Variants in SNX13 observed in about 807,000 individuals in gnomAD.
The protein encoded by SNX13 is sorting nexin-13.
A neutral mutation model predicts 133.6 loss-of-function variants in SNX13; 45 were observed. That is an observed-to-expected ratio of 0.34 (90% CI 0.27 to 0.43). The LOEUF (loss-of-function observed/expected upper bound fraction) is 0.43. Ranked by LOEUF, SNX13 falls within the 20% of genes least tolerant of loss-of-function variation. The pLI is 1.00. For synonymous variants in SNX13, 414 were observed against 373.9 expected (o/e 1.11, Z -1.24); for missense variants, 1,032 against 1,145.1 (o/e 0.90, Z 1.43).
At chr7:17,880,929 T>C (rs1583601524) in intron 5 of SNX13, 1 of 152,112 alleles carries the variant, frequency 6.6e-6, no homozygotes, top group African/African-American at 2.4e-5. Context: ...GGGATGAGCA[T>C]GATAAATATA....
chr7:17,800,009 A>AC (rs1413960753), intron 22 of SNX13, among the ~76,000 whole-genome samples: 4 of 151,758 alleles, frequency 2.6e-5, no homozygotes, highest in African/African-American at 9.7e-5. Context: ...TCCTTAGTGC[A>AC]CCTTCCATTT....
intron 5 of SNX13, 63 bp from the exon 6 acceptor site, chr7:17,875,853 T>C (rs554838793): frequency 1.5e-6 from 2 of 1,306,088 alleles, no homozygotes; most frequent in East Asian, 2.4e-5. Flanking sequence ...TATAAATTCA[T>C]TTTAATGACT....
chr7:17,799,303 T>A, intron 22 of SNX13, 149 bp from the exon 23 acceptor site: 1 of 623,782 alleles, frequency 1.6e-6, no homozygotes, highest in Non-Finnish European at 2.6e-6. Flanking sequence ...AATTCTAATG[T>A]AGAAAAAATA....
At chr7:17,901,225 C>T (rs1797797638) in intron 1 of SNX13, among the ~76,000 whole-genome samples, 1 of 152,102 alleles carries the variant, frequency 6.6e-6, no homozygotes, top group Non-Finnish European at 1.5e-5. Flanking sequence ...TTTCCCTCTC[C>T]TCTTCTCAAG....
intron 5 of SNX13, among the ~76,000 whole-genome samples, chr7:17,877,059 A>G (rs922065427): frequency 2.0e-5 from 3 of 151,124 alleles, no homozygotes; most frequent in Middle Eastern, 3.4e-3. Context: ...AAAAAAAAAA[A>G]AAAAAAAAAG....
rs569406639 is a variant in SNX13, at chr7:17,911,695, A to T, written c.13-14249T>A. Among the ~76,000 whole-genome samples the T allele has an allele frequency of 9.9e-5, 15 of 152,246 alleles. No individual in the cohort carries two copies. The East Asian group carries it at 2.5e-3, about 25-fold the overall frequency. Reference sequence around the variant, plus strand: ...CTTCCCATAACGACTTTACTTAAAAATTGATGTAAGTATTAAAAGATAATG... The same window carrying T: ...CTTCCCATAACGACTTTACTTAAAATTTGATGTAAGTATTAAAAGATAATG... On this transcript the variant is annotated intron_variant, in intron 1 of 25. Coordinates refer to ENST00000428135, the MANE Select transcript of SNX13 (RefSeq NM_015132.5).
chr7:17,918,980 T>C (rs554262223), intron 1 of SNX13, among the ~76,000 whole-genome samples: 3 of 152,142 alleles, frequency 2.0e-5, no homozygotes, highest in Non-Finnish European at 2.9e-5. Flanking sequence ...CTAAGCAAAA[T>C]TAACACAAAA....
At position 17,857,625 on chromosome 7, in the gene SNX13, T is replaced by C. The variant is rs568503449; in HGVS notation, c.838-6661A>G. 3.9e-4 allele frequency among the ~76,000 whole-genome samples: 59 copies of C among 151,902 alleles called. No individual in the cohort carries two copies. In the South Asian group the frequency reaches 0.012, roughly 32 times the overall value. On this transcript the variant is annotated intron_variant, in intron 9 of 25. Coordinates refer to ENST00000428135, the MANE Select transcript of SNX13 (RefSeq NM_015132.5). ...ATGGTGAAACCTCATCTCTATTAAA[T>C]ATACAGAAATTAGCAGGGCATGCTG...
At chr7:17,816,911 A>G (rs974876189) in intron 18 of SNX13, among the ~76,000 whole-genome samples, 1 of 152,220 alleles carries the variant, frequency 6.6e-6, no homozygotes, top group Admixed American at 6.5e-5. Context: ...AAAATTTCAT[A>G]ATAAAAGGTT....
intron 20 of SNX13, among the ~76,000 whole-genome samples, chr7:17,813,490 A>T (rs1013106268): frequency 6.6e-6 from 1 of 152,162 alleles, no homozygotes; most frequent in Admixed American, 6.5e-5. Context: ...TGAAAAGGTA[A>T]TTGTGGTTTT....
At chr7:17,875,887 G>A in intron 5 of SNX13, 97 bp from the exon 6 acceptor site, 3 of 969,630 alleles carry the variant, frequency 3.1e-6, no homozygotes, top group Non-Finnish European at 4.4e-6. Context: ...ATGATTATCT[G>A]AGACTGTAAA....
In SNX13 at chr7:17,912,678, C is replaced by T. The variant is rs544871061; in HGVS notation, c.13-15232G>A. On this transcript the variant is annotated intron_variant, in intron 1 of 25. Coordinates refer to ENST00000428135, the MANE Select transcript of SNX13 (RefSeq NM_015132.5). The stretch of plus-strand genomic sequence containing the variant: ...CCACCTGCCTTGGCCTCTCAAAGTG[C>T]TGGGATTACAGGCTTGAGCTACCAC... 1.5e-4 allele frequency among the ~76,000 whole-genome samples: 23 copies of T among 152,256 alleles called. 1 individual carries two copies. In the South Asian group the frequency reaches 2.3e-3, roughly 15 times the overall value.
Position 17,940,478 on chromosome 7 carries a change from C to G in SNX13, c.-183G>C, listed in dbSNP as rs1408667005. 6 of 734,052 alleles carry G rather than the reference C, an allele frequency of 8.2e-6. No individual in the cohort carries two copies. The highest frequency in any genetic ancestry group is 8.0e-5 in the Admixed American group (4 of 49,960). The allele number at this position is 734,052 out of a possible 1,614,324, so 45.5% of individuals were successfully genotyped here. On this transcript the variant is annotated 5_prime_UTR_variant, in exon 1 of 26. Transcript: ENST00000428135. ...GCCCGGTCGCTCGCGACGGACGCGC[C>G]GCCATCTTGGAAGAGCGACGTCCGC... is the stretch of plus-strand genomic sequence containing the variant.
At chr7:17,796,509 A>G (rs531378132) in intron 25 of SNX13, 1 of 215,614 alleles carries the variant, frequency 4.6e-6, no homozygotes, top group South Asian at 1.4e-4. Flanking sequence ...TAAAAGCATA[A>G]GCTTTCACAT....
chr7:17,903,757 A>G (rs1322202262), intron 1 of SNX13, among the ~76,000 whole-genome samples: 1 of 152,216 alleles, frequency 6.6e-6, no homozygotes, highest in Non-Finnish European at 1.5e-5. Context: ...AAAGTCACAG[A>G]AAAAAATGTT....
At chr7:17,937,076 CAA>C (rs555434265) in intron 1 of SNX13, among the ~76,000 whole-genome samples, 5 of 94,450 alleles carry the variant, frequency 5.3e-5, no homozygotes, top group Admixed American at 1.1e-4. Context: ...ATGTAAAATG[CAA>C]AAAAAAAAAA....
intron 23 of SNX13, 102 bp downstream of exon 23, chr7:17,798,907 G>C (rs1300887855): frequency 7.2e-7 from 1 of 1,390,828 alleles, no homozygotes; most frequent in Non-Finnish European, 9.8e-7. Flanking sequence ...AAAAGGCCCA[G>C]AGAAAAAAAT....
intron 15 of SNX13, 165 bp from the exon 16 acceptor site, chr7:17,830,212 C>T: frequency 3.1e-6 from 3 of 974,374 alleles, no homozygotes; most frequent in Non-Finnish European, 3.6e-6. Context: ...AACTTGATCC[C>T]TTAAAGTCCC....
intron 2 of SNX13, among the ~76,000 whole-genome samples, chr7:17,895,176 C>T (rs565737122): frequency 5.2e-4 from 79 of 152,106 alleles, no homozygotes; most frequent in African/African-American, 1.8e-3. Flanking sequence ...AAGTGTGTAA[C>T]GATAGGAAGA....
Sources: allele counts gnomAD v4.1 joint callset (sites outside exome capture counted in the v4.1 genomes callset), GRCh38; gene constraint gnomAD v4.1.1; transcripts MANE v1.5; gene names NCBI Gene and HGNC (gene_info 2026-07-23, HGNC 2026-07-21).